Variants in FARSB observed in about 807,000 individuals in gnomAD.
FARSB encodes phenylalanyl-tRNA synthetase subunit beta.
FARSB carries 40 observed loss-of-function variants against 69.6 expected under a neutral mutation model. That is an observed-to-expected ratio of 0.57 (90% CI 0.45 to 0.75). The LOEUF (loss-of-function observed/expected upper bound fraction) is 0.75. FARSB is among the 30% of genes least tolerant of loss of function. FARSB has a pLI of 0.00. For synonymous variants in FARSB, 235 were observed against 247.2 expected, an observed-to-expected ratio of 0.95 and a Z score of 0.46; for missense variants, 632 against 722.9, an observed-to-expected ratio of 0.87 and a Z score of 1.44.
At chr2:222,596,075 A>C (rs1690406558) in intron 16 of FARSB, among the ~76,000 whole-genome samples, 1 of 152,134 alleles carries the variant, frequency 6.6e-6, no homozygotes, top group Admixed American at 6.6e-5. Context: ...TTCTGTCATC[A>C]ACTTGACATT....
At chr2:222,624,667 C>T (rs1691221556) in intron 11 of FARSB, 47 bp downstream of exon 11, 1 of 1,294,308 alleles carries the variant, frequency 7.7e-7, no homozygotes, top group South Asian at 1.3e-5. Flanking sequence ...AAAAATTAGT[C>T]ATACGTGTAC....
chr2:222,648,651 T>C (rs1691938050), intron 2 of FARSB, 89 bp downstream of exon 2: 1 of 855,396 alleles, frequency 1.2e-6, no homozygotes, highest in East Asian at 2.4e-5. Context: ...AGTCTAACTA[T>C]AAGGTAACAA....
intron 15 of FARSB, among the ~76,000 whole-genome samples, chr2:222,606,307 A>G (rs966037070): frequency 3.3e-5 from 5 of 152,244 alleles, no homozygotes; most frequent in Non-Finnish European, 7.3e-5. Context: ...ATTGCTGGGT[A>G]TAGTAACATT....
At chr2:222,632,040 A>T (rs1691441220) in intron 7 of FARSB, among the ~76,000 whole-genome samples, 1 of 139,758 alleles carries the variant, frequency 7.2e-6, no homozygotes, top group African/African-American at 3.3e-5. Context: ...CAATGGCACG[A>T]CATGGTGCAA....
intron 16 of FARSB, among the ~76,000 whole-genome samples, chr2:222,595,737 C>T (rs1175931831): frequency 1.3e-5 from 2 of 152,066 alleles, no homozygotes; most frequent in Non-Finnish European, 2.9e-5. Flanking sequence ...ATACATTCTA[C>T]AAGAAATAAT....
intron 13 of FARSB, among the ~76,000 whole-genome samples, chr2:222,621,127 T>C (rs1691124016): frequency 1.3e-5 from 2 of 152,222 alleles, no homozygotes; most frequent in Admixed American, 6.5e-5. Flanking sequence ...CAAATGAAAC[T>C]AGTCCTCTCT....
At chr2:222,626,071 A>T (rs1574940714) in intron 10 of FARSB, among the ~76,000 whole-genome samples, 1 of 151,898 alleles carries the variant, frequency 6.6e-6, no homozygotes. Flanking sequence ...ATGTAGTGAA[A>T]CCCCATCTCT....
At chr2:222,597,599 C>T (rs917123334) in intron 16 of FARSB, among the ~76,000 whole-genome samples, 5 of 152,102 alleles carry the variant, frequency 3.3e-5, no homozygotes, top group Non-Finnish European at 5.9e-5. Flanking sequence ...AGCAGAAGAT[C>T]AACACAAATT....
chr2:222,626,992 C>T (rs1354508502), intron 10 of FARSB, among the ~76,000 whole-genome samples: 1 of 152,034 alleles, frequency 6.6e-6, no homozygotes, highest in Non-Finnish European at 1.5e-5. Context: ...GCCGAGATCG[C>T]GCCACTGCAC....
At chr2:222,583,738 G>A (rs1008097932) in intron 16 of FARSB, among the ~76,000 whole-genome samples, 4 of 151,926 alleles carry the variant, frequency 2.6e-5, no homozygotes, top group Non-Finnish European at 4.4e-5. Context: ...GGTCTGGGTG[G>A]GAGGTAATTG....
intron 5 of FARSB, among the ~76,000 whole-genome samples, chr2:222,636,424 G>C (rs1021917718): frequency 6.8e-6 from 1 of 147,954 alleles, no homozygotes; most frequent in Admixed American, 6.7e-5. Context: ...TAAAACTGTA[G>C]AGTCAACTTC....
At chr2:222,599,553 G>C (rs1159748473) in intron 16 of FARSB, among the ~76,000 whole-genome samples, 2 of 152,144 alleles carry the variant, frequency 1.3e-5, no homozygotes, top group South Asian at 4.1e-4. Context: ...CCATCAGACA[G>C]GCAGCTTTTG....
In FARSB at chr2:222,602,581, T is replaced by A. The variant is rs1210463538; in HGVS notation, c.1463-2498A>T. ...ATGATAAAGGTGGCTTTTCTTTTTT[T>A]TTTTATACCATATTATCCAGTAATT... On this transcript the variant is annotated intron_variant, in intron 15 of 16. Coordinates refer to ENST00000281828, the MANE Select transcript of FARSB (RefSeq NM_005687.5). Among the ~76,000 whole-genome samples, 3 of 151,990 alleles carry A rather than the reference T, an allele frequency of 2.0e-5. No homozygotes were observed. The East Asian group carries it at 5.8e-4, about 29-fold the overall frequency.
In FARSB at chr2:222,590,297, T is replaced by C. The variant is rs529380716; in HGVS notation, c.1618+9631A>G. Among the ~76,000 whole-genome samples, 5 of 151,696 alleles carry C rather than the reference T, an allele frequency of 3.3e-5. No homozygotes were observed. The East Asian group carries it at 9.7e-4, about 29-fold the overall frequency. On this transcript the variant is annotated intron_variant, in intron 16 of 16. Coordinates refer to ENST00000281828, the MANE Select transcript of FARSB (RefSeq NM_005687.5). ...ACCAAACACCGCATGTTCTCACTCATAGGTAGGAATTGTACAATGAGAACA... is the reference window on the plus strand; with the variant it reads ...ACCAAACACCGCATGTTCTCACTCACAGGTAGGAATTGTACAATGAGAACA...
chr2:222,572,076 T>TA, intron 16 of FARSB, 54 bp from the exon 17 acceptor site: 2 of 1,531,668 alleles, frequency 1.3e-6, no homozygotes, highest in Non-Finnish European at 1.8e-6. Flanking sequence ...AAAACATCAA[T>TA]AGACATTTAA....
Position 222,570,633 on chromosome 2 carries a change from C to T in FARSB, c.*1238G>A, listed in dbSNP as rs1405098753. ...CCACCTCCTGGTTCAAGAGATTTTC[C>T]TGACTCAGCCTCCCAGGTAGCTGGG... On this transcript the variant is annotated 3_prime_UTR_variant, in exon 17 of 17. Coordinates refer to ENST00000281828, the MANE Select transcript of FARSB (RefSeq NM_005687.5). 1 of 152,048 alleles carries T rather than the reference C, an allele frequency of 6.6e-6. No individual in the cohort carries two copies. Among genetic ancestry groups the T allele is most frequent in the Non-Finnish European group, 1.5e-5 (1 of 68,012 alleles). 9.4% of individuals were successfully genotyped at this position (152,048 alleles called of 1,614,324 possible). A position where few individuals can be genotyped will look rare whatever the true frequency, so the allele number is the denominator to read the frequency against.
chr2:222,607,372 T>A (rs1432269240), intron 15 of FARSB, among the ~76,000 whole-genome samples: 1 of 152,142 alleles, frequency 6.6e-6, no homozygotes, highest in Admixed American at 6.5e-5. Context: ...TTGGTAAAAA[T>A]CTAAACATTC....
intron 16 of FARSB, among the ~76,000 whole-genome samples, chr2:222,586,622 T>C (rs1474981146): frequency 6.6e-6 from 1 of 152,056 alleles, no homozygotes; most frequent in African/African-American, 2.4e-5. Flanking sequence ...TCATCTCACA[T>C]GCAGAGATAC....
intron 3 of FARSB, 143 bp from the exon 4 acceptor site, chr2:222,641,074 C>CT (rs892291153): frequency 1.3e-5 from 4 of 318,588 alleles, no homozygotes; most frequent in African/African-American, 9.2e-5. Context: ...TGGCTGAACA[C>CT]TAAAAAAAAA....
Sources: allele counts gnomAD v4.1 joint callset (sites outside exome capture counted in the v4.1 genomes callset), GRCh38; gene constraint gnomAD v4.1.1; transcripts MANE v1.5; gene names NCBI Gene and HGNC (gene_info 2026-07-23, HGNC 2026-07-21).